The following RASSF8 variants were observed in gnomAD, a reference collection of about 807,000 sequenced individuals.
The protein encoded by RASSF8 is ras association domain-containing protein 8.
A neutral mutation model predicts 48.5 loss-of-function variants in RASSF8; 22 were observed. The ratio of observed to expected loss-of-function variants is 0.45; its 90% CI spans 0.32 to 0.65. The LOEUF (loss-of-function observed/expected upper bound fraction) is 0.65. Ranked by LOEUF, RASSF8 falls within the 30% of genes least tolerant of loss-of-function variation. RASSF8 has a pLI of 0.03. For missense variants in RASSF8, 418 were observed against 489.2 expected (o/e 0.85, Z 1.37); for synonymous variants, 127 against 171.5 (o/e 0.74, Z 2.03).
intron 2 of RASSF8, among the ~76,000 whole-genome samples, chr12:26,011,993 T>C (rs1047782102): frequency 1.3e-5 from 2 of 152,236 alleles, no homozygotes; most frequent in African/African-American, 2.4e-5. Flanking sequence ...TATAATAACA[T>C]ATCCATGGCA....
chr12:25,972,625 A>G (rs1295888566), intron 1 of RASSF8, among the ~76,000 whole-genome samples: 1 of 152,196 alleles, frequency 6.6e-6, no homozygotes, highest in Non-Finnish European at 1.5e-5. Context: ...ATGAGAGAAT[A>G]CAAGATTGTA....
intron 2 of RASSF8, among the ~76,000 whole-genome samples, chr12:26,008,525 C>T (rs971825058): frequency 8.5e-5 from 13 of 152,292 alleles, no homozygotes; most frequent in African/African-American, 3.1e-4. Context: ...GAAACACAGG[C>T]TGATATTGTC....
At chr12:26,003,783 T>A (rs914260615) in intron 2 of RASSF8, among the ~76,000 whole-genome samples, 7 of 152,096 alleles carry the variant, frequency 4.6e-5, no homozygotes, top group African/African-American at 1.2e-4. Flanking sequence ...ATTATATTTT[T>A]AAAAAAATCT....
At chr12:26,017,494 A>T (rs773349464) in intron 2 of RASSF8, among the ~76,000 whole-genome samples, 13 of 152,236 alleles carry the variant, frequency 8.5e-5, no homozygotes, top group Admixed American at 4.6e-4. Context: ...TGGGACTGTG[A>T]TCCATATCAT....
intron 2 of RASSF8, among the ~76,000 whole-genome samples, chr12:26,036,243 A>T (rs182549420): frequency 6.6e-6 from 1 of 151,974 alleles, no homozygotes; most frequent in Admixed American, 6.6e-5. Context: ...TTTGTGAATC[A>T]TATCTTTATA....
chr12:25,966,144 C>G (rs1326141643), intron 1 of RASSF8, among the ~76,000 whole-genome samples: 2 of 152,206 alleles, frequency 1.3e-5, no homozygotes, highest in Non-Finnish European at 2.9e-5. Context: ...ATTTTACATT[C>G]TTAACCACCA....
At chr12:26,056,670 T>C (rs1943609732) in intron 3 of RASSF8, among the ~76,000 whole-genome samples, 1 of 152,242 alleles carries the variant, frequency 6.6e-6, no homozygotes, top group African/African-American at 2.4e-5. Context: ...ACAGAGACTT[T>C]CTGGTAATAT....
chr12:25,988,763 G>A (rs999339553), intron 1 of RASSF8, among the ~76,000 whole-genome samples: 4 of 152,116 alleles, frequency 2.6e-5, no homozygotes, highest in Admixed American at 6.6e-5. Context: ...GTGCTAGGTG[G>A]TGGGACCATA....
At chr12:26,019,662 G>A (rs1295934690) in intron 2 of RASSF8, among the ~76,000 whole-genome samples, 2 of 151,836 alleles carry the variant, frequency 1.3e-5, no homozygotes, top group Non-Finnish European at 2.9e-5. Flanking sequence ...AAATTTAAAA[G>A]GATTCCTGGT....
intron 1 of RASSF8, among the ~76,000 whole-genome samples, chr12:25,967,076 A>G (rs1339266034): frequency 2.0e-5 from 3 of 152,214 alleles, no homozygotes; most frequent in South Asian, 2.1e-4. Context: ...TGTCTGTTAT[A>G]TCCTTTTTTA....
chr12:26,069,768 A>G lies in RASSF8; in HGVS notation c.*950A>G, dbSNP rs1234210700. ...TTTTAAAATAACCCGCTTCATATGT[A>G]TGATCTGTTGGTGTACACACCATGG... On this transcript the variant is annotated 3_prime_UTR_variant, in exon 6 of 6. Transcript: ENST00000689635. 1 of 985,194 alleles carries G rather than the reference A, an allele frequency of 1.0e-6. No individual in the cohort carries two copies. 61.0% of individuals were successfully genotyped at this position (985,194 alleles called of 1,614,324 possible).
intron 2 of RASSF8, among the ~76,000 whole-genome samples, chr12:26,017,164 A>G (rs935936766): frequency 1.3e-5 from 2 of 152,180 alleles, no homozygotes; most frequent in African/African-American, 4.8e-5. Flanking sequence ...CTTTATATCA[A>G]TATTGTTAAT....
At chr12:26,035,183 A>G (rs1943107013) in intron 2 of RASSF8, among the ~76,000 whole-genome samples, 1 of 151,702 alleles carries the variant, frequency 6.6e-6, no homozygotes, top group Non-Finnish European at 1.5e-5. Context: ...AACCAGTTTT[A>G]CTCTTGTATG....
At chr12:26,031,349 T>C (rs1365793322) in intron 2 of RASSF8, among the ~76,000 whole-genome samples, 1 of 152,202 alleles carries the variant, frequency 6.6e-6, no homozygotes, top group Non-Finnish European at 1.5e-5. Flanking sequence ...GCCATTTAAC[T>C]TGGATTCTCA....
intron 3 of RASSF8, 119 bp from the exon 4 acceptor site, chr12:26,064,379 C>T: frequency 1.0e-6 from 1 of 993,462 alleles, no homozygotes; most frequent in Non-Finnish European, 1.4e-6. Flanking sequence ...CTGAACTAGA[C>T]TCAAACTTGA....
At chr12:26,048,743 T>C (rs574106656) in intron 2 of RASSF8, among the ~76,000 whole-genome samples, 53 of 151,488 alleles carry the variant, frequency 3.5e-4, no homozygotes, top group African/African-American at 1.3e-3. Context: ...GTTTTTTGTT[T>C]GTTTGTTTTG....
At chr12:26,041,801 T>A (rs1387156676) in intron 2 of RASSF8, among the ~76,000 whole-genome samples, 1 of 152,192 alleles carries the variant, frequency 6.6e-6, no homozygotes, top group Non-Finnish European at 1.5e-5. Context: ...AAGTATAAAG[T>A]ATACTTAAAT....
At chr12:26,017,620 A>G (rs1260137275) in intron 2 of RASSF8, among the ~76,000 whole-genome samples, 1 of 152,162 alleles carries the variant, frequency 6.6e-6, no homozygotes, top group Non-Finnish European at 1.5e-5. Context: ...TCTACCAAAA[A>G]CGCACCCAAG....
intron 1 of RASSF8, among the ~76,000 whole-genome samples, chr12:25,981,960 C>T (rs74071337): frequency 0.036 from 5,519 of 152,216 alleles, 321 homozygotes; most frequent in African/African-American, 0.12. Flanking sequence ...TCTTAATAAT[C>T]GTCCTCAAAT....
Sources: allele counts gnomAD v4.1 joint callset (sites outside exome capture counted in the v4.1 genomes callset), GRCh38; gene constraint gnomAD v4.1.1; transcripts MANE v1.5; gene names NCBI Gene and HGNC (gene_info 2026-07-23, HGNC 2026-07-21).